The following HCN1 variants were observed in gnomAD, a reference collection of about 807,000 sequenced individuals.
HCN1 encodes the protein potassium/sodium hyperpolarization-activated cyclic nucleotide-gated channel 1.
A neutral mutation model predicts 78.9 loss-of-function variants in HCN1; 13 were observed. The observed-to-expected ratio is 0.16, with a 90% CI of 0.11 to 0.26. The LOEUF is 0.26. Among genes scored for constraint, HCN1 ranks in the 10% least tolerant of loss-of-function variants. The probability of loss-of-function intolerance (pLI) is 1.00; values close to 1 mark genes in which losing one functional copy is unlikely to be tolerated. For synonymous variants in HCN1, 552 were observed against 455.5 expected, an observed-to-expected ratio of 1.21 and a Z score of -2.70; for missense variants, 810 against 1,154.3, an observed-to-expected ratio of 0.70 and a Z score of 4.32.
intron 3 of HCN1, among the ~76,000 whole-genome samples, chr5:45,404,015 T>G (rs568990412): frequency 1.3e-5 from 2 of 152,156 alleles, no homozygotes; most frequent in African/African-American, 4.8e-5. Context: ...TTTATAAGCC[T>G]ACAAAAGTCA....
intron 4 of HCN1, among the ~76,000 whole-genome samples, chr5:45,377,836 T>A (rs1747716244): frequency 6.6e-6 from 1 of 152,002 alleles, no homozygotes. Flanking sequence ...CCAAGAGGGC[T>A]GTATAGAAAG....
chr5:45,265,602 GATGTGAATGTGAAGTGC>G (rs1261681090), intron 7 of HCN1, among the ~76,000 whole-genome samples: 1 of 152,144 alleles, frequency 6.6e-6, no homozygotes, highest in African/African-American at 2.4e-5. Context: ...GAGAAAGGAA[GATGTGAATGTGAAGTGC>G]AGAAAAAAAG....
At chr5:45,625,445 A>C (rs557130435) in intron 2 of HCN1, among the ~76,000 whole-genome samples, 1 of 152,150 alleles carries the variant, frequency 6.6e-6, no homozygotes, top group Non-Finnish European at 1.5e-5. Flanking sequence ...CTCATTGTCC[A>C]TATCTTCCTG....
chr5:45,337,091 A>G (rs1031014077), intron 5 of HCN1, among the ~76,000 whole-genome samples: 1 of 152,084 alleles, frequency 6.6e-6, no homozygotes, highest in Non-Finnish European at 1.5e-5. Context: ...TTGATTAGAC[A>G]GAACATTTGT....
chr5:45,451,789 A>T (rs1740924249), intron 3 of HCN1, among the ~76,000 whole-genome samples: 1 of 152,142 alleles, frequency 6.6e-6, no homozygotes, highest in African/African-American at 2.4e-5. Context: ...GTCAAATTCA[A>T]TTATATCCAC....
At chr5:45,411,731 G>T (rs1457534386) in intron 3 of HCN1, among the ~76,000 whole-genome samples, 2 of 152,012 alleles carry the variant, frequency 1.3e-5, no homozygotes, top group Non-Finnish European at 2.9e-5. Context: ...GAGAAGAAAT[G>T]GGCAAAATAA....
chr5:45,409,831 A>G (rs1739992295), intron 3 of HCN1, among the ~76,000 whole-genome samples: 1 of 151,832 alleles, frequency 6.6e-6, no homozygotes, highest in African/African-American at 2.4e-5. Context: ...TGATTATAAG[A>G]TCAAAATACA....
In HCN1 at chr5:45,509,018, C is replaced by T. The variant is rs1267067816; in HGVS notation, c.850-47011G>A. 2.0e-5 allele frequency among the ~76,000 whole-genome samples: 3 copies of T among 152,052 alleles called. No individual in the cohort carries two copies. In the East Asian group the frequency reaches 5.8e-4, roughly 29 times the overall value. ...CTGCAAATATTTACTAAGTTCTTAC[C>T]CTGCCCAAAGCACATGAGTAAAATA... is the stretch of plus-strand genomic sequence containing the variant. On this transcript the variant is annotated intron_variant, in intron 2 of 7. Coordinates refer to ENST00000303230, the MANE Select transcript of HCN1 (RefSeq NM_021072.4).
At chr5:45,286,485 T>C (rs868778007) in intron 6 of HCN1, among the ~76,000 whole-genome samples, 1 of 152,002 alleles carries the variant, frequency 6.6e-6, no homozygotes, top group South Asian at 2.1e-4. Flanking sequence ...AATTAATAAG[T>C]CCACCACTGC....
intron 3 of HCN1, among the ~76,000 whole-genome samples, chr5:45,458,703 C>T (rs1741074332): frequency 6.6e-6 from 1 of 152,204 alleles, no homozygotes; most frequent in African/African-American, 2.4e-5. Flanking sequence ...TATAAGCATT[C>T]TACTCTTGGT....
At chr5:45,350,535 C>A (rs996703548) in intron 5 of HCN1, among the ~76,000 whole-genome samples, 6 of 151,368 alleles carry the variant, frequency 4.0e-5, no homozygotes, top group African/African-American at 1.5e-4. Context: ...GGCAATCAGG[C>A]AGGAGAAGGA....
intron 5 of HCN1, among the ~76,000 whole-genome samples, chr5:45,337,932 G>A (rs1746497888): frequency 6.6e-6 from 1 of 152,106 alleles, no homozygotes; most frequent in African/African-American, 2.4e-5. Context: ...CCACAAAAGT[G>A]AAAATAGGAG....
chr5:45,405,694 C>A (rs575501552), intron 3 of HCN1, among the ~76,000 whole-genome samples: 1 of 152,280 alleles, frequency 6.6e-6, no homozygotes. Flanking sequence ...AGGCATAAGA[C>A]ACTTTGCCCG....
At chr5:45,266,869 C>G (rs1046475968) in intron 7 of HCN1, among the ~76,000 whole-genome samples, 1 of 151,934 alleles carries the variant, frequency 6.6e-6, no homozygotes, top group African/African-American at 2.4e-5. Context: ...CCACCACACC[C>G]GGCTAATTTT....
At chr5:45,572,571 T>A (rs1284871905) in intron 2 of HCN1, among the ~76,000 whole-genome samples, 1 of 152,204 alleles carries the variant, frequency 6.6e-6, no homozygotes, top group Non-Finnish European at 1.5e-5. Context: ...TTTAGCCTGG[T>A]CTATAGCCAA....
intron 5 of HCN1, among the ~76,000 whole-genome samples, chr5:45,308,547 G>C (rs1315420340): frequency 6.6e-6 from 1 of 152,084 alleles, no homozygotes. Flanking sequence ...CTGGGGTTAA[G>C]CAGCAGGCCT....
chr5:45,551,118 C>A (rs1253439587), intron 2 of HCN1, among the ~76,000 whole-genome samples: 1 of 151,826 alleles, frequency 6.6e-6, no homozygotes, highest in Non-Finnish European at 1.5e-5. Flanking sequence ...TATAATAATC[C>A]ATTATATCTA....
intron 3 of HCN1, among the ~76,000 whole-genome samples, chr5:45,454,774 T>C (rs997976940): frequency 1.3e-5 from 2 of 152,110 alleles, no homozygotes; most frequent in Non-Finnish European, 2.9e-5. Context: ...CCTTAAATAT[T>C]TGATAGAATG....
At chr5:45,309,910 C>T (rs139750424) in intron 5 of HCN1, among the ~76,000 whole-genome samples, 2,564 of 152,144 alleles carry the variant, frequency 0.017, 28 homozygotes, top group Non-Finnish European at 0.022. Flanking sequence ...CCCTCCTTTT[C>T]GACTTTTTGG....
Sources: gnomAD v4.1 joint callset for allele counts (sites outside exome capture counted in the v4.1 genomes callset) on GRCh38, gnomAD v4.1.1 for gene constraint, MANE v1.5 for transcripts, NCBI Gene and HGNC (gene_info 2026-07-23, HGNC 2026-07-21) for gene names.